Variants in JAZF1 observed in about 807,000 individuals in gnomAD.
JAZF1 encodes JAZF zinc finger 1.
In JAZF1, 8 loss-of-function variants were observed where a neutral mutation model predicts 26.4. The observed-to-expected ratio is 0.30, with a 90% CI of 0.18 to 0.55. The LOEUF (loss-of-function observed/expected upper bound fraction) is 0.55, where lower values mean the gene tolerates loss of function less well. Ranked by LOEUF, JAZF1 falls within the 20% of genes least tolerant of loss-of-function variation. JAZF1 has a pLI of 0.94. For missense variants in JAZF1, 199 were observed against 322.0 expected (o/e 0.62, Z 2.92); for synonymous variants, 126 against 122.3 (o/e 1.03, Z -0.20).
intron 1 of JAZF1, among the ~76,000 whole-genome samples, chr7:28,073,164 T>C (rs1006957500): frequency 1.3e-5 from 2 of 152,186 alleles, no homozygotes; most frequent in African/African-American, 4.8e-5. Flanking sequence ...GATGACCCTC[T>C]CCAATCCCCT....
intron 2 of JAZF1, among the ~76,000 whole-genome samples, chr7:27,899,263 C>T (rs2128342730): frequency 6.6e-6 from 1 of 152,274 alleles, no homozygotes; most frequent in African/African-American, 2.4e-5. Context: ...GTGATTCTGG[C>T]CAACAAATGA....
At chr7:27,919,334 C>G (rs1784492606) in intron 2 of JAZF1, among the ~76,000 whole-genome samples, 1 of 152,088 alleles carries the variant, frequency 6.6e-6, no homozygotes, top group African/African-American at 2.4e-5. Context: ...CCTGGCCCCC[C>G]ATTGTGAATA....
chr7:27,832,652 T>A lies in JAZF1; in HGVS notation c.*148A>T, dbSNP rs866858998. On this transcript the variant is annotated 3_prime_UTR_variant, in exon 5 of 5. Coordinates refer to ENST00000283928, the MANE Select transcript of JAZF1 (RefSeq NM_175061.4). The stretch of plus-strand genomic sequence containing the variant: ...AAATCATTAACTCTACAAAGATACA[T>A]CATTCCAAAATTACAGAAAAAATTT... The A allele has an allele frequency of 2.1e-5, 12 of 582,358 alleles. No individual in the cohort carries two copies. In the Middle Eastern group the frequency reaches 1.4e-3, roughly 70 times the overall value. The allele number at this position is 582,358 out of a possible 1,614,324, so 36.1% of individuals were successfully genotyped here. A position where few individuals can be genotyped will look rare whatever the true frequency, so the allele number is the denominator to read the frequency against.
chr7:27,922,358 C>T (rs1323930285), intron 2 of JAZF1, among the ~76,000 whole-genome samples: 1 of 152,186 alleles, frequency 6.6e-6, no homozygotes, highest in Non-Finnish European at 1.5e-5. Flanking sequence ...AATTCTCCTG[C>T]CTCAGCCTCC....
intron 1 of JAZF1, among the ~76,000 whole-genome samples, chr7:28,031,053 G>T (rs2128374921): frequency 6.6e-6 from 1 of 152,288 alleles, no homozygotes; most frequent in African/African-American, 2.4e-5. Context: ...AAGCTTGGTT[G>T]CTATACACGA....
chr7:28,122,021 A>G (rs1284216065), intron 1 of JAZF1, among the ~76,000 whole-genome samples: 1 of 152,234 alleles, frequency 6.6e-6, no homozygotes, highest in Non-Finnish European at 1.5e-5. Flanking sequence ...ATTTATGAAA[A>G]TCTTTGAAGT....
chr7:27,869,359 T>G (rs1783539967), intron 3 of JAZF1, among the ~76,000 whole-genome samples: 1 of 152,168 alleles, frequency 6.6e-6, no homozygotes, highest in African/African-American at 2.4e-5. Context: ...GTGCTTCCAT[T>G]AGGTTCTGCC....
chr7:28,116,684 G>C (rs887592704), intron 1 of JAZF1, among the ~76,000 whole-genome samples: 1 of 151,744 alleles, frequency 6.6e-6, no homozygotes, highest in Non-Finnish European at 1.5e-5. Flanking sequence ...TCCTGACCTC[G>C]TGATCCACCT....
At chr7:28,057,841 C>T (rs1205986495) in intron 1 of JAZF1, among the ~76,000 whole-genome samples, 1 of 152,084 alleles carries the variant, frequency 6.6e-6, no homozygotes, top group African/African-American at 2.4e-5. Flanking sequence ...TTTTGTTTTC[C>T]TTGATCAATC....
chr7:28,005,937 C>G (rs958733799), intron 1 of JAZF1, among the ~76,000 whole-genome samples: 2 of 150,632 alleles, frequency 1.3e-5, no homozygotes, highest in Admixed American at 6.6e-5. Context: ...ATGGTAGTTA[C>G]TGACAGTCTG....
intron 1 of JAZF1, among the ~76,000 whole-genome samples, chr7:28,015,923 T>G (rs1024944341): frequency 6.6e-6 from 1 of 152,026 alleles, no homozygotes; most frequent in Admixed American, 6.5e-5. Context: ...TCCCTGCCTC[T>G]CCCCTCACAC....
intron 2 of JAZF1, among the ~76,000 whole-genome samples, chr7:27,939,128 T>C (rs947552159): frequency 4.6e-5 from 7 of 152,218 alleles, no homozygotes; most frequent in Non-Finnish European, 8.8e-5. Context: ...CCATGAGGTC[T>C]ACGGAGCACA....
Position 27,991,968 on chromosome 7 carries a change from C to T in JAZF1, c.129G>A (p.Arg43=). 1 of 1,602,778 alleles carries T rather than the reference C, an allele frequency of 6.2e-7. No individual in the cohort carries two copies. The highest frequency in any genetic ancestry group is 1.1e-5 in the South Asian group (1 of 90,536). The change falls in exon 2 of 5, where the codon CGG becomes CGA. Residue 43 remains arginine, a synonymous_variant. Coordinates refer to ENST00000283928, the MANE Select transcript of JAZF1 (RefSeq NM_175061.4). ...GCTGTAATTCTTGTTTTTCTAAAAC[C>T]CGTGGATCTGTATCTGTAATAAAAA... ...IEDNHIDTDP[R]VLEKQELQQP... is the part of the protein sequence containing the mutation.
At chr7:28,073,123 C>T (rs893062706) in intron 1 of JAZF1, among the ~76,000 whole-genome samples, 57 of 152,290 alleles carry the variant, frequency 3.7e-4, no homozygotes, top group African/African-American at 1.3e-3. Flanking sequence ...ACAACACTAT[C>T]GTCTTCTAAA....
At chr7:27,982,501 C>A (rs1023092230) in intron 2 of JAZF1, among the ~76,000 whole-genome samples, 27 of 152,218 alleles carry the variant, frequency 1.8e-4, no homozygotes, top group African/African-American at 6.0e-4. Context: ...GTCCGCCTGC[C>A]TCTGTAGACT....
At chr7:28,063,569 TG>T (rs1463199314) in intron 1 of JAZF1, among the ~76,000 whole-genome samples, 1 of 152,052 alleles carries the variant, frequency 6.6e-6, no homozygotes, top group African/African-American at 2.4e-5. Flanking sequence ...TATAATTCAG[TG>T]GAAAAAAGAA....
intron 3 of JAZF1, among the ~76,000 whole-genome samples, chr7:27,850,227 C>T (rs1360954632): frequency 6.6e-6 from 1 of 152,044 alleles, no homozygotes; most frequent in African/African-American, 2.4e-5. Context: ...TGGTACTGAC[C>T]CACTTTATAG....
At chr7:27,953,663 G>A (rs528520059) in intron 2 of JAZF1, among the ~76,000 whole-genome samples, 2 of 152,244 alleles carry the variant, frequency 1.3e-5, no homozygotes, top group East Asian at 3.9e-4. Context: ...CTTTGGGGGT[G>A]GAGGGTTATG....
At chr7:27,838,970 T>A (rs1484604130) in intron 4 of JAZF1, among the ~76,000 whole-genome samples, 1 of 151,466 alleles carries the variant, frequency 6.6e-6, no homozygotes, top group African/African-American at 2.4e-5. Flanking sequence ...GAGAGAACAC[T>A]CAGAAAAGCC....
Sources: allele counts gnomAD v4.1 joint callset (sites outside exome capture counted in the v4.1 genomes callset), GRCh38; gene constraint gnomAD v4.1.1; transcripts MANE v1.5; gene names NCBI Gene and HGNC (gene_info 2026-07-23, HGNC 2026-07-21).